STAU2: variants seen among roughly 807,000 people sequenced by gnomAD.
STAU2 encodes the protein double-stranded RNA-binding protein Staufen homolog 2.
STAU2 carries 20 observed loss-of-function variants against 65.9 expected under a neutral mutation model. The observed-to-expected ratio is 0.30, with a 90% CI of 0.21 to 0.44. The LOEUF (loss-of-function observed/expected upper bound fraction) is 0.44, where lower values mean the gene tolerates loss of function less well. Ranked by LOEUF, STAU2 falls within the 20% of genes least tolerant of loss-of-function variation. The pLI, the probability that STAU2 is intolerant of heterozygous loss-of-function variation, is 1.00. For missense variants in STAU2, 558 were observed against 683.9 expected, an observed-to-expected ratio of 0.82 and a Z score of 2.05; for synonymous variants, 232 against 233.9, an observed-to-expected ratio of 0.99 and a Z score of 0.07.
At position 73,486,665 on chromosome 8, in the gene STAU2, T is replaced by A. The variant is rs537922398; in HGVS notation, c.1531-63963A>T. On this transcript the variant is annotated intron_variant, in intron 13 of 14. Transcript: ENST00000524300. ...TAAATATATATATATATATTTTTTT[T>A]TTTTTTGAGACAGGGTCTTGCTCTG... Among the ~76,000 whole-genome samples, 136 of 146,642 alleles carry A rather than the reference T, an allele frequency of 9.3e-4. No homozygotes were observed. In the South Asian group the frequency reaches 0.019, roughly 20 times the overall value.
At chr8:73,463,866 T>G (rs1213892555) in intron 13 of STAU2, among the ~76,000 whole-genome samples, 2 of 152,196 alleles carry the variant, frequency 1.3e-5, no homozygotes, top group African/African-American at 4.8e-5. Context: ...CTTTGAGGGA[T>G]CTTTCATTTT....
At chr8:73,462,165 C>A (rs1323352017) in intron 13 of STAU2, among the ~76,000 whole-genome samples, 1 of 152,104 alleles carries the variant, frequency 6.6e-6, no homozygotes, top group African/African-American at 2.4e-5. Context: ...TTGCAACCTC[C>A]ACCTCCTGGG....
intron 6 of STAU2, among the ~76,000 whole-genome samples, chr8:73,655,172 T>C (rs905077641): frequency 6.6e-6 from 1 of 152,242 alleles, no homozygotes; most frequent in Non-Finnish European, 1.5e-5. Context: ...CACATATTCT[T>C]GCATATTTCT....
chr8:73,562,489 A>G (rs1447924707), intron 12 of STAU2, among the ~76,000 whole-genome samples: 2 of 151,890 alleles, frequency 1.3e-5, no homozygotes, highest in Admixed American at 1.3e-4. Context: ...AAAAAGATAG[A>G]GAGAGAGAGA....
At chr8:73,439,173 C>T (rs913200415) in intron 13 of STAU2, 2 of 384,746 alleles carry the variant, frequency 5.2e-6, no homozygotes, top group African/African-American at 2.1e-5. Flanking sequence ...AACACCTCCA[C>T]CCTGGCTGAT....
chr8:73,699,790 G>A (rs940101135), intron 4 of STAU2, among the ~76,000 whole-genome samples: 3 of 149,144 alleles, frequency 2.0e-5, no homozygotes, highest in Non-Finnish European at 4.4e-5. Flanking sequence ...AAAAATAGAG[G>A]AGGACGGAAT....
At chr8:73,476,681 G>A (rs1204122035) in intron 13 of STAU2, among the ~76,000 whole-genome samples, 1 of 152,142 alleles carries the variant, frequency 6.6e-6, no homozygotes, top group Non-Finnish European at 1.5e-5. Flanking sequence ...TAAATATCGA[G>A]GCAGACGTTA....
intron 13 of STAU2, among the ~76,000 whole-genome samples, chr8:73,436,967 T>C (rs1008493098): frequency 2.6e-5 from 4 of 152,200 alleles, no homozygotes; most frequent in Admixed American, 2.0e-4. Flanking sequence ...TAAAGATACA[T>C]GCCATTAACA....
chr8:73,617,915 T>G (rs1812953941), intron 6 of STAU2, among the ~76,000 whole-genome samples: 1 of 152,210 alleles, frequency 6.6e-6, no homozygotes, highest in Admixed American at 6.5e-5. Flanking sequence ...GGAGAGCAGA[T>G]TCAGCATAAG....
At chr8:73,735,578 C>T (rs765639309) in intron 3 of STAU2, among the ~76,000 whole-genome samples, 6 of 152,288 alleles carry the variant, frequency 3.9e-5, no homozygotes, top group Middle Eastern at 3.4e-3. Flanking sequence ...ATTAGGGATG[C>T]TCAACCTGTA....
At chr8:73,642,340 T>C (rs956619909) in intron 6 of STAU2, among the ~76,000 whole-genome samples, 1 of 152,024 alleles carries the variant, frequency 6.6e-6, no homozygotes, top group African/African-American at 2.4e-5. Flanking sequence ...CTGGCCAACA[T>C]GGTGAAACCC....
At chr8:73,464,037 A>G (rs1046083820) in intron 13 of STAU2, among the ~76,000 whole-genome samples, 1 of 152,200 alleles carries the variant, frequency 6.6e-6, no homozygotes, top group African/African-American at 2.4e-5. Context: ...TCCTTTTGGT[A>G]AAGAATTTGG....
At chr8:73,486,436 A>G (rs1467559686) in intron 13 of STAU2, among the ~76,000 whole-genome samples, 1 of 151,890 alleles carries the variant, frequency 6.6e-6, no homozygotes, top group Non-Finnish European at 1.5e-5. Flanking sequence ...AAAATGTCAT[A>G]TAACTAGAGA....
chr8:73,490,844 T>G (rs1472260187), intron 13 of STAU2, among the ~76,000 whole-genome samples: 1 of 151,386 alleles, frequency 6.6e-6, no homozygotes, highest in Non-Finnish European at 1.5e-5. Context: ...ATAGTTCATC[T>G]GGAGATTTAA....
chr8:73,606,916 T>C (rs111425621), intron 9 of STAU2, among the ~76,000 whole-genome samples: 2,316 of 152,144 alleles, frequency 0.015, 59 homozygotes, highest in African/African-American at 0.052. Context: ...AATTCATGCA[T>C]GCAACAATAA....
At chr8:73,669,177 G>C in intron 6 of STAU2, 1 of 679,364 alleles carries the variant, frequency 1.5e-6, no homozygotes, top group Admixed American at 2.1e-5. Context: ...TTAGGTCTGC[G>C]CTTCTGTGAG....
intron 11 of STAU2, among the ~76,000 whole-genome samples, 188 bp from the exon 12 acceptor site, chr8:73,583,018 T>C (rs1810104845): frequency 6.6e-6 from 1 of 152,244 alleles, no homozygotes; most frequent in Non-Finnish European, 1.5e-5. Flanking sequence ...ATTCCTTTTC[T>C]GCACCTAAAT....
chr8:73,627,936 T>C (rs1813810004), intron 6 of STAU2, among the ~76,000 whole-genome samples: 1 of 152,086 alleles, frequency 6.6e-6, no homozygotes, highest in South Asian at 2.1e-4. Flanking sequence ...TTCAGCTTTA[T>C]TCAAGTGACA....
chr8:73,735,860 G>A lies in STAU2; in HGVS notation c.-18+2424C>T, dbSNP rs550179372. ...ATAAACTATAATTTTCAATGAAGTT[G>A]GCTAGCATAAAATGGTCATTTCCAA... On this transcript the variant is annotated intron_variant, in intron 3 of 14. Coordinates refer to ENST00000524300, the MANE Select transcript of STAU2 (RefSeq NM_001164380.2). Among the ~76,000 whole-genome samples, 5 of 152,282 alleles carry A rather than the reference G, an allele frequency of 3.3e-5. No homozygotes were observed. In the South Asian group the frequency reaches 1.0e-3, roughly 32 times the overall value.
Sources: allele counts gnomAD v4.1 joint callset (sites outside exome capture counted in the v4.1 genomes callset), GRCh38; gene constraint gnomAD v4.1.1; transcripts MANE v1.5; gene names NCBI Gene and HGNC (gene_info 2026-07-23, HGNC 2026-07-21).